KANSL1: variants seen among roughly 807,000 people sequenced by gnomAD.
KANSL1 encodes MLL1/MLL complex subunit KANSL1.
Under a neutral mutation model 103.6 loss-of-function variants are expected in KANSL1, and 22 were observed. The observed-to-expected ratio is 0.21, with a 90% CI of 0.15 to 0.30. The LOEUF is 0.30. Among genes scored for constraint, KANSL1 ranks in the 10% least tolerant of loss-of-function variants. The pLI, the probability that KANSL1 is intolerant of heterozygous loss-of-function variation, is 1.00. For missense variants in KANSL1, 1,337 were observed against 1,399.8 expected (o/e 0.96, Z 0.72); for synonymous variants, 600 against 527.6 (o/e 1.14, Z -1.88).
chr17:46,042,694 T>C (rs762964375), intron 7 of KANSL1: 3 of 151,690 alleles, frequency 2.0e-5, no homozygotes, highest in Admixed American at 2.0e-4. Context: ...CTCCTGCCTA[T>C]GGTATAGATG....
At chr17:46,115,055 A>G (rs1033440016) in intron 2 of KANSL1, among the ~76,000 whole-genome samples, 1 of 151,902 alleles carries the variant, frequency 6.6e-6, no homozygotes, top group African/African-American at 2.4e-5. Context: ...TGTAAACCCA[A>G]GTTTTATTTA....
At chr17:46,031,983 T>C (rs946207471) in intron 14 of KANSL1, 64 bp downstream of exon 14, 1 of 1,609,094 alleles carries the variant, frequency 6.2e-7, no homozygotes, top group African/African-American at 1.3e-5. Context: ...CTTCAGCAGA[T>C]GCTGCCCCTT....
chr17:46,101,567 T>C (rs1236124981), intron 2 of KANSL1, among the ~76,000 whole-genome samples: 3 of 151,708 alleles, frequency 2.0e-5, no homozygotes, highest in East Asian at 1.9e-4. Context: ...CTGACTAACA[T>C]AGTGAAACCC....
intron 7 of KANSL1, chr17:46,049,372 A>G (rs1158000346): frequency 6.7e-6 from 1 of 149,530 alleles, no homozygotes; most frequent in Non-Finnish European, 1.5e-5. Context: ...AATAACTGGG[A>G]TTACAGACAT....
intron 2 of KANSL1, among the ~76,000 whole-genome samples, chr17:46,154,417 C>A (rs1373237212): frequency 2.0e-5 from 3 of 152,176 alleles, no homozygotes; most frequent in Non-Finnish European, 4.4e-5. Context: ...GTAGCTGGGA[C>A]TACAGGTGTG....
At chr17:46,032,498 G>A in intron 13 of KANSL1, 199 bp from the exon 14 acceptor site, 1 of 479,780 alleles carries the variant, frequency 2.1e-6, no homozygotes, top group Non-Finnish European at 3.6e-6. Flanking sequence ...CAAGAAAAAA[G>A]CATGGCTGAA....
chr17:46,211,784 A>C (rs2732630), intron 1 of KANSL1, among the ~76,000 whole-genome samples: 21,953 of 152,246 alleles, frequency 0.14, 2,136 homozygotes, highest in Non-Finnish European at 0.22. Context: ...GTATTTCTTT[A>C]TATAACAGAT....
chr17:46,161,831 T>G (rs539525211), intron 2 of KANSL1, among the ~76,000 whole-genome samples: 70 of 152,296 alleles, frequency 4.6e-4, no homozygotes, highest in Non-Finnish European at 8.7e-4. Context: ...ATAATCTACA[T>G]GATTACTACA....
At chr17:46,178,039 AG>A (rs1357123612) in intron 1 of KANSL1, among the ~76,000 whole-genome samples, 8 of 152,130 alleles carry the variant, frequency 5.3e-5, no homozygotes, top group African/African-American at 1.2e-4. Context: ...GGCCTCCCAA[AG>A]TGCTGGGATT....
At chr17:46,111,057 GT>G (rs2042781678) in intron 2 of KANSL1, among the ~76,000 whole-genome samples, 1 of 152,226 alleles carries the variant, frequency 6.6e-6, no homozygotes, top group South Asian at 2.1e-4. Flanking sequence ...CATAATTGTA[GT>G]TTTTTTCCCT....
intron 4 of KANSL1, among the ~76,000 whole-genome samples, chr17:46,078,933 G>C (rs1048967187): frequency 6.6e-6 from 1 of 152,078 alleles, no homozygotes; most frequent in Non-Finnish European, 1.5e-5. Context: ...ACGACTTATC[G>C]GCAGCTACCA....
At chr17:46,043,452 C>T (rs2077398151) in intron 7 of KANSL1, 1 of 152,144 alleles carries the variant, frequency 6.6e-6, no homozygotes, top group Non-Finnish European at 1.5e-5. Context: ...GGCTTTAGTT[C>T]CACCTGTGAA....
chr17:46,123,911 T>A (rs541996855), intron 2 of KANSL1, among the ~76,000 whole-genome samples: 18 of 152,282 alleles, frequency 1.2e-4, no homozygotes, highest in African/African-American at 4.3e-4. Flanking sequence ...AAAACAGCAT[T>A]CTATTGGAAG....
At chr17:46,187,877 G>A (rs1005133526) in intron 1 of KANSL1, among the ~76,000 whole-genome samples, 7 of 152,162 alleles carry the variant, frequency 4.6e-5, no homozygotes, top group African/African-American at 1.7e-4. Context: ...TCATAAACAT[G>A]AGCTGTGTTT....
intron 4 of KANSL1, among the ~76,000 whole-genome samples, chr17:46,070,108 T>A (rs1345186463): frequency 3.3e-5 from 5 of 152,184 alleles, no homozygotes; most frequent in South Asian, 4.1e-4. Flanking sequence ...AACCAATTTT[T>A]AAAAATCTAC....
At chr17:46,112,999 G>A (rs1381305024) in intron 2 of KANSL1, among the ~76,000 whole-genome samples, 2 of 152,162 alleles carry the variant, frequency 1.3e-5, no homozygotes, top group African/African-American at 4.8e-5. Context: ...GGGATTACAG[G>A]CGTGAGCCAC....
chr17:46,167,834 T>C (rs1413014409), intron 2 of KANSL1, among the ~76,000 whole-genome samples: 3 of 152,246 alleles, frequency 2.0e-5, no homozygotes, highest in South Asian at 2.1e-4. Flanking sequence ...AATGGATCAC[T>C]GTTTCTCCTC....
rs1321081585 is a variant in KANSL1, at chr17:46,171,375, T to A, written c.769A>T (p.Asn257Tyr). Residue 257 changes from asparagine (N) to tyrosine (Y), a missense_variant, in exon 2 of 15, where the codon AAC (asparagine) becomes TAC (tyrosine). This residue lies in a region of KANSL1 where 557 missense variants were observed against 476.4 expected (regional missense o/e 1.17). Transcript: ENST00000432791. ...CCCTCCAATTTGACACCCCCCAAGT[T>A]AGAGCTGGAGTCTGTACCAGGTGAT... Reference protein sequence around the residue: ...RLSPGTDSSSNLGGVKLEGKK... With the variant: ...RLSPGTDSSSYLGGVKLEGKK... The A allele has an allele frequency of 4.3e-6, 7 of 1,614,144 alleles. No homozygotes were observed. The highest frequency in any genetic ancestry group is 5.9e-6 in the Non-Finnish European group (7 of 1,180,032).
upstream of KANSL1, chr17:46,193,622 C>G (rs893693923): frequency 3.4e-6 from 1 of 295,046 alleles, no homozygotes; most frequent in African/African-American, 2.3e-5. Context: ...TCGCCGTGGC[C>G]GATGTTTTTG....
Sources: gnomAD v4.1 joint callset for allele counts (sites outside exome capture counted in the v4.1 genomes callset) on GRCh38, gnomAD v4.1.1 for gene constraint, gnomAD v4.1.1 regional missense constraint, MANE v1.5 for transcripts, NCBI Gene and HGNC (gene_info 2026-07-23, HGNC 2026-07-21) for gene names.